AJAP1: variants seen among roughly 807,000 people sequenced by gnomAD.
The protein encoded by AJAP1 is adherens junctions associated protein 1.
A neutral mutation model predicts 35.0 loss-of-function variants in AJAP1; 5 were observed. That is an observed-to-expected ratio of 0.14 (90% CI 0.07 to 0.30). The LOEUF (loss-of-function observed/expected upper bound fraction) is 0.30, where lower values mean the gene tolerates loss of function less well. AJAP1 is among the 10% of genes least tolerant of loss of function. AJAP1 has a pLI of 1.00. For synonymous variants in AJAP1, 284 were observed against 249.3 expected (o/e 1.14, Z -1.31); for missense variants, 586 against 571.0 (o/e 1.03, Z -0.27).
intron 2 of AJAP1, among the ~76,000 whole-genome samples, chr1:4,754,604 A>C (rs1051098129): frequency 4.6e-5 from 7 of 152,244 alleles, no homozygotes; most frequent in African/African-American, 1.7e-4. Context: ...CACGTCTTCT[A>C]AACTCACAGG....
chr1:4,775,171 T>C (rs1641917969), intron 5 of AJAP1, among the ~76,000 whole-genome samples: 2 of 152,218 alleles, frequency 1.3e-5, no homozygotes. Context: ...TTTGGTTTGC[T>C]TTTAGTGATA....
At chr1:4,715,985 C>G (rs974324679) in intron 2 of AJAP1, among the ~76,000 whole-genome samples, 8 of 152,178 alleles carry the variant, frequency 5.3e-5, no homozygotes, top group African/African-American at 1.9e-4. Context: ...TGAGTTTTAC[C>G]TGTCCAAAAA....
chr1:4,784,082 C>A lies in AJAP1; in HGVS notation c.*1597C>A, dbSNP rs1642121417. 1 of 152,212 alleles carries A rather than the reference C, an allele frequency of 6.6e-6. No individual in the cohort carries two copies. The highest frequency in any genetic ancestry group is 1.5e-5 in the Non-Finnish European group (1 of 68,048). 9.4% of individuals were successfully genotyped at this position (152,212 alleles called of 1,614,324 possible). Reference sequence around the variant, plus strand: ...ATGTTTCTGTTTTGTCACCGAGAATCCTACTATAAACTACCCAGTGGAAAC... The same window carrying A: ...ATGTTTCTGTTTTGTCACCGAGAATACTACTATAAACTACCCAGTGGAAAC... On this transcript the variant is annotated 3_prime_UTR_variant, in exon 6 of 6. Transcript: ENST00000378191.
At chr1:4,708,260 C>T (rs1640145385) in intron 1 of AJAP1, among the ~76,000 whole-genome samples, 2 of 152,074 alleles carry the variant, frequency 1.3e-5, no homozygotes, top group African/African-American at 2.4e-5. Flanking sequence ...GCCACCATGT[C>T]TGGCCGGGCG....
At chr1:4,727,799 A>G (rs1224580415) in intron 2 of AJAP1, among the ~76,000 whole-genome samples, 2 of 152,212 alleles carry the variant, frequency 1.3e-5, no homozygotes, top group African/African-American at 4.8e-5. Context: ...AGTGGGGGCT[A>G]GCGGGTGTCC....
At chr1:4,779,250 A>G (rs1357764543) in intron 5 of AJAP1, among the ~76,000 whole-genome samples, 1 of 152,086 alleles carries the variant, frequency 6.6e-6, no homozygotes, top group Non-Finnish European at 1.5e-5. Context: ...GAAGAGGAAG[A>G]GTGAGGTGGA....
At chr1:4,765,055 A>G (rs1641649929) in intron 2 of AJAP1, among the ~76,000 whole-genome samples, 1 of 152,176 alleles carries the variant, frequency 6.6e-6, no homozygotes, top group Non-Finnish European at 1.5e-5. Context: ...CATCATCTGG[A>G]TGGCAGCTGA....
chr1:4,772,051 G>A (rs182548110), intron 3 of AJAP1, among the ~76,000 whole-genome samples: 17 of 151,420 alleles, frequency 1.1e-4, no homozygotes, highest in Admixed American at 2.6e-4. Flanking sequence ...CATCCTCCCT[G>A]CTGTAATAGC....
At chr1:4,666,044 G>A (rs1307143309) in intron 1 of AJAP1, among the ~76,000 whole-genome samples, 2 of 152,152 alleles carry the variant, frequency 1.3e-5, no homozygotes, top group African/African-American at 4.8e-5. Flanking sequence ...CTGCACAGAT[G>A]GGGATGTGGA....
chr1:4,734,707 T>C lies in AJAP1; in HGVS notation c.829+22008T>C, dbSNP rs1470485211. 6.6e-6 allele frequency among the ~76,000 whole-genome samples: 1 copy of C among 152,114 alleles called. No individual in the cohort carries two copies. The highest frequency in any genetic ancestry group is 2.4e-5 in the African/African-American group (1 of 41,420). On this transcript the variant is annotated intron_variant, in intron 2 of 5. Coordinates refer to ENST00000378191, the MANE Select transcript of AJAP1 (RefSeq NM_018836.4). This position sits in a 1 kb window ranked among gnomAD's most constrained non-coding sequence, Gnocchi z 4.3. ...CACCTGTGGGCGATGCTGAATATGA[T>C]GCATGATCTGTCTTTCGGGTGTTCT...
At chr1:4,671,794 G>A (rs1299279902) in intron 1 of AJAP1, among the ~76,000 whole-genome samples, 1 of 152,198 alleles carries the variant, frequency 6.6e-6, no homozygotes, top group African/African-American at 2.4e-5. Flanking sequence ...GAATCCCTGG[G>A]TAACCAGAAA....
chr1:4,711,339 CG>C, intron 1 of AJAP1, among the ~76,000 whole-genome samples: 2 of 152,266 alleles, frequency 1.3e-5, no homozygotes, highest in African/African-American at 4.8e-5. Context: ...GCTCACGCTG[CG>C]AGGTTTCAAG....
chr1:4,716,087 T>C (rs1474212798), intron 2 of AJAP1, among the ~76,000 whole-genome samples: 2 of 152,272 alleles, frequency 1.3e-5, no homozygotes, highest in Admixed American at 6.5e-5. Flanking sequence ...TTTTTCTATC[T>C]GTCTATAGCA....
intron 2 of AJAP1, among the ~76,000 whole-genome samples, chr1:4,724,650 A>G (rs1213316786): frequency 6.7e-6 from 1 of 149,124 alleles, no homozygotes; most frequent in Non-Finnish European, 1.5e-5. Flanking sequence ...AGGGGCCGCA[A>G]CAAAACTCAC....
chr1:4,671,481 A>G (rs6679686), intron 1 of AJAP1, among the ~76,000 whole-genome samples: 29,922 of 151,880 alleles, frequency 0.2, 3,219 homozygotes, highest in Admixed American at 0.24. Flanking sequence ...CTTAGAGCCC[A>G]GGGCCCTGTG....
chr1:4,732,801 C>A (rs1640830439), intron 2 of AJAP1, among the ~76,000 whole-genome samples: 1 of 152,206 alleles, frequency 6.6e-6, no homozygotes, highest in Non-Finnish European at 1.5e-5. Flanking sequence ...AGTCAGTTCT[C>A]CAGACCAGAG....
chr1:4,754,252 T>C (rs1419818959), intron 2 of AJAP1, among the ~76,000 whole-genome samples: 1 of 152,240 alleles, frequency 6.6e-6, no homozygotes, highest in Non-Finnish European at 1.5e-5. Context: ...TCCTGGCACA[T>C]AGCACACTCA....
intron 1 of AJAP1, among the ~76,000 whole-genome samples, chr1:4,707,023 C>T (rs1240428175): frequency 6.6e-6 from 1 of 152,150 alleles, no homozygotes; most frequent in Non-Finnish European, 1.5e-5. Context: ...CCTGCCTCTT[C>T]TCAAAGGGTG....
chr1:4,663,145 A>AT (rs987303820), intron 1 of AJAP1, among the ~76,000 whole-genome samples: 7 of 152,086 alleles, frequency 4.6e-5, no homozygotes, highest in African/African-American at 1.7e-4. Flanking sequence ...TATTTTATTT[A>AT]TTTTTTTATA....
Sources: gnomAD v4.1 joint callset for allele counts (sites outside exome capture counted in the v4.1 genomes callset) on GRCh38, gnomAD v4.1.1 for gene constraint, Gnocchi (gnomAD v3.1) non-coding constraint, MANE v1.5 for transcripts, NCBI Gene and HGNC (gene_info 2026-07-23, HGNC 2026-07-21) for gene names.